Variants in HHLA1 observed in about 807,000 individuals in gnomAD.
HHLA1 encodes HERV-H LTR-associating protein 1.
In HHLA1, 72 loss-of-function variants were observed where a neutral mutation model predicts 69.9. The observed-to-expected ratio is 1.03, with a 90% CI of 0.85 to 1.25. The LOEUF is 1.25. Among genes scored for constraint, HHLA1 ranks in the 50% most tolerant of loss-of-function variants. The pLI, the probability that HHLA1 is intolerant of heterozygous loss-of-function variation, is 0.00. For synonymous variants in HHLA1, 252 were observed against 233.2 expected (o/e 1.08, Z -0.73); for missense variants, 685 against 642.2 (o/e 1.07, Z -0.72).
chr8:132,078,177 CACA>C (rs1236501848), intron 11 of HHLA1, among the ~76,000 whole-genome samples: 1 of 89,546 alleles, frequency 1.1e-5, no homozygotes, highest in Non-Finnish European at 2.1e-5. Flanking sequence ...AATAAACACA[CACA>C]CACACACACA....
rs1376312986 is a variant in HHLA1, at chr8:132,077,944, C to A, written c.953G>T (p.Trp318Leu). ...LATRRVARTQ[W>L]LTADRQTWAS... ...CCACGTCTGTCTGTCAGCTGTCAAC[C>A]ACTGAGTTCTGGCCACCCTCCTGGT... Residue 318 changes from tryptophan (W) to leucine (L), a missense_variant, in exon 12 of 17, where the codon TGG (tryptophan) becomes TTG (leucine). Transcript: ENST00000414222. 8.4e-6 allele frequency: 13 copies of A among 1,551,504 alleles called. No homozygotes were observed. Among genetic ancestry groups the A allele is most frequent in the Non-Finnish European group, 7.8e-6 (9 of 1,146,982 alleles).
intron 5 of HHLA1, among the ~76,000 whole-genome samples, chr8:132,097,714 G>T (rs1266261312): frequency 6.6e-6 from 1 of 152,164 alleles, no homozygotes. Flanking sequence ...TTCTTATCGT[G>T]CACCTCCCAA....
chr8:132,064,291 C>G (rs1285096252), intron 16 of HHLA1, among the ~76,000 whole-genome samples: 1 of 152,188 alleles, frequency 6.6e-6, no homozygotes, highest in Non-Finnish European at 1.5e-5. Context: ...GCCCAATGCT[C>G]TTTTCCAATA....
chr8:132,076,419 T>TTCCCCCCCCCCC, intron 13 of HHLA1, 56 bp downstream of exon 13: 3 of 596,536 alleles, frequency 5.0e-6, no homozygotes, highest in Non-Finnish European at 6.1e-6. Context: ...TCCCCAAGCT[T>TTCCCCCCCCCCC]CCCACCCCTC....
chr8:132,101,351 A>G, intron 3 of HHLA1: 2 of 1,500,448 alleles, frequency 1.3e-6, no homozygotes, highest in Admixed American at 2.3e-5. Context: ...CTTAGAAATC[A>G]TCTTGTCCAA....
intron 1 of HHLA1, 41 bp downstream of exon 1, chr8:132,111,061 G>A (rs1360030614): frequency 6.6e-6 from 1 of 152,154 alleles, no homozygotes; most frequent in Non-Finnish European, 1.5e-5. Flanking sequence ...AGAGGAGGAG[G>A]AACCAAAAGA....
intron 4 of HHLA1, 141 bp from the exon 5 acceptor site, chr8:132,099,103 CAAGTT>C (rs904433747): frequency 7.0e-5 from 43 of 613,970 alleles, no homozygotes; most frequent in African/African-American, 1.3e-4. Flanking sequence ...CGAGGGGTTC[CAAGTT>C]AAGTTAAGAG....
chr8:132,104,210 A>G (rs1233794578), intron 2 of HHLA1, 43 bp from the exon 3 acceptor site: 1 of 1,357,892 alleles, frequency 7.4e-7, no homozygotes, highest in Admixed American at 2.0e-5. Context: ...TAACCAAGAC[A>G]TAATACCGGA....
chr8:132,096,968 C>A (rs1395568557), intron 5 of HHLA1, among the ~76,000 whole-genome samples: 1 of 152,122 alleles, frequency 6.6e-6, no homozygotes, highest in African/African-American at 2.4e-5. Context: ...ACCCACTGTG[C>A]CCGGTCTCAG....
chr8:132,072,426 A>G (rs1823562941), intron 14 of HHLA1, among the ~76,000 whole-genome samples: 1 of 151,848 alleles, frequency 6.6e-6, no homozygotes, highest in Non-Finnish European at 1.5e-5. Flanking sequence ...AATAATAGCA[A>G]TTATTATTAT....
At chr8:132,094,245 T>C (rs1215250074) in intron 7 of HHLA1, among the ~76,000 whole-genome samples, 2 of 152,224 alleles carry the variant, frequency 1.3e-5, no homozygotes, top group Admixed American at 1.3e-4. Context: ...TTGCCTTTAG[T>C]GCTTGCTTCC....
intron 1 of HHLA1, among the ~76,000 whole-genome samples, chr8:132,106,056 A>C (rs569678564): frequency 6.6e-6 from 1 of 152,336 alleles, no homozygotes; most frequent in Admixed American, 6.5e-5. Flanking sequence ...TGCCACATTG[A>C]ACACTATCTG....
At chr8:132,073,252 T>G (rs1186914063) in intron 14 of HHLA1, among the ~76,000 whole-genome samples, 1 of 152,186 alleles carries the variant, frequency 6.6e-6, no homozygotes, top group Non-Finnish European at 1.5e-5. Flanking sequence ...GTGCTGGAAT[T>G]ACAGGTGTAA....
chr8:132,074,514 C>T (rs980181685), intron 14 of HHLA1, among the ~76,000 whole-genome samples: 28 of 152,050 alleles, frequency 1.8e-4, no homozygotes, highest in Non-Finnish European at 1.6e-4. Flanking sequence ...TAAAAATAGG[C>T]CTAGCATAGT....
At chr8:132,069,542 C>T (rs1287316699) in intron 15 of HHLA1, 1 of 152,176 alleles carries the variant, frequency 6.6e-6, no homozygotes, top group Non-Finnish European at 1.5e-5. Flanking sequence ...ACAGGTGCTT[C>T]ATTGCTCTAA....
intron 10 of HHLA1, among the ~76,000 whole-genome samples, chr8:132,084,324 T>G (rs1823821580): frequency 6.6e-6 from 1 of 151,592 alleles, no homozygotes; most frequent in South Asian, 2.1e-4. Flanking sequence ...GTCAGATGGG[T>G]CTGTAGAAAA....
intron 12 of HHLA1, among the ~76,000 whole-genome samples, chr8:132,077,041 C>T (rs538681833): frequency 5.3e-5 from 8 of 152,194 alleles, no homozygotes; most frequent in East Asian, 1.9e-4. Flanking sequence ...AGGACTTGAT[C>T]GTTTCTGTTA....
At chr8:132,070,313 T>A in intron 15 of HHLA1, 1 of 702,038 alleles carries the variant, frequency 1.4e-6, no homozygotes, top group Non-Finnish European at 2.6e-6. Flanking sequence ...TAAAACAGGT[T>A]CTGCTTTTTA....
rs1823364785 is a variant in HHLA1, at chr8:132,062,197, G to T, written c.*1798C>A. Reference sequence around the variant, plus strand: ...AGTCCCTTTGCCTCCCAGAAAATTTGCTGTATCCTCTTCATCTTTGCAAAA... The same window carrying T: ...AGTCCCTTTGCCTCCCAGAAAATTTTCTGTATCCTCTTCATCTTTGCAAAA... On this transcript the variant is annotated 3_prime_UTR_variant, in exon 17 of 17. Coordinates refer to ENST00000414222, the MANE Select transcript of HHLA1 (RefSeq NM_001145095.3). 2.0e-5 allele frequency: 3 copies of T among 152,212 alleles called. No homozygotes were observed. The highest frequency in any genetic ancestry group is 7.2e-5 in the African/African-American group (3 of 41,442). 9.4% of individuals were successfully genotyped at this position (152,212 alleles called of 1,614,324 possible).
Sources: gnomAD v4.1 joint callset for allele counts (sites outside exome capture counted in the v4.1 genomes callset) on GRCh38, gnomAD v4.1.1 for gene constraint, MANE v1.5 for transcripts, NCBI Gene and HGNC (gene_info 2026-07-23, HGNC 2026-07-21) for gene names.